The following GPR139 variants were observed in gnomAD, a reference collection of about 807,000 sequenced individuals.
GPR139 encodes probable G protein-coupled receptor 139.
A neutral mutation model predicts 25.8 loss-of-function variants in GPR139; 12 were observed. The ratio of observed to expected loss-of-function variants is 0.47; its 90% CI spans 0.30 to 0.75. GPR139 has a LOEUF of 0.75. Ranked by LOEUF, GPR139 falls within the 30% of genes least tolerant of loss-of-function variation. The probability of loss-of-function intolerance (pLI) is 0.07; values close to 1 mark genes in which losing one functional copy is unlikely to be tolerated. For missense variants in GPR139, 380 were observed against 450.2 expected, an observed-to-expected ratio of 0.84 and a Z score of 1.41; for synonymous variants, 184 against 179.9, an observed-to-expected ratio of 1.02 and a Z score of -0.18.
At position 20,073,432 on chromosome 16, in the gene GPR139, T is replaced by C; in HGVS notation, c.127+58A>G. ...ACGGGGGAGGACGGGGGATTCTGGG[T>C]AGGGTTGCCCGGCACTTGGGGTTCC... On this transcript the variant is annotated intron_variant, in intron 1 of 1. Transcript: ENST00000570682. The surrounding 1 kb of genome is among the most constrained non-coding windows in gnomAD (Gnocchi z 4.7). The C allele has an allele frequency of 6.3e-7, 1 of 1,583,856 alleles. No homozygotes were observed. The highest frequency in any genetic ancestry group is 1.7e-4 in the Middle Eastern group (1 of 5,908).
At chr16:20,056,625 T>C (rs542928697) in intron 1 of GPR139, among the ~76,000 whole-genome samples, 26 of 152,238 alleles carry the variant, frequency 1.7e-4, no homozygotes, top group Non-Finnish European at 2.9e-4. Context: ...TAATTCACTT[T>C]GCACATTGGT....
intron 1 of GPR139, among the ~76,000 whole-genome samples, chr16:20,034,634 G>A (rs1427837667): frequency 6.6e-6 from 1 of 152,060 alleles, no homozygotes; most frequent in Non-Finnish European, 1.5e-5. Flanking sequence ...TGAACTCCAG[G>A]GCTCAAGTGA....
Position 20,031,706 on chromosome 16 carries a change from CAG to C in GPR139, c.*27_*28del, listed in dbSNP as rs2057289250. ...CCTTCCCATCTGGAAATGGATTAGACAGAGGCAGTAGTTGCCACACCTATGGA... is the reference window on the plus strand; with the variant it reads ...CCTTCCCATCTGGAAATGGATTAGACAGGCAGTAGTTGCCACACCTATGGA... On this transcript the variant is annotated 3_prime_UTR_variant, in exon 2 of 2. Coordinates refer to ENST00000570682, the MANE Select transcript of GPR139 (RefSeq NM_001002911.4). 6.4e-7 allele frequency: 1 copy of C among 1,558,778 alleles called. No individual in the cohort carries two copies. The highest frequency in any genetic ancestry group is 1.1e-5 in the South Asian group (1 of 88,396).
intron 1 of GPR139, among the ~76,000 whole-genome samples, chr16:20,059,441 C>T (rs1220030256): frequency 6.6e-6 from 1 of 152,196 alleles, no homozygotes; most frequent in Non-Finnish European, 1.5e-5. Context: ...CTGGGTTACC[C>T]TGGCTGTTCC....
intron 1 of GPR139, among the ~76,000 whole-genome samples, chr16:20,048,447 C>G (rs2057361104): frequency 6.6e-6 from 1 of 152,174 alleles, no homozygotes. Flanking sequence ...TAGATCATCC[C>G]AAGGCAGCAT....
chr16:20,032,212 G>C lies in GPR139; in HGVS notation c.585C>G (p.Pro195=), dbSNP rs908804966. Residue 195 remains proline, a synonymous_variant, in exon 2 of 2, where the codon CCC becomes CCG. Coordinates refer to ENST00000570682, the MANE Select transcript of GPR139 (RefSeq NM_001002911.4). Reference sequence around the variant, plus strand: ...AGTTCAAGATGAAGAAGATGGAGCAGGGCACCAGGTAGACGGTGAAGCAGT... The same window carrying C: ...AGTTCAAGATGAAGAAGATGGAGCACGGCACCAGGTAGACGGTGAAGCAGT... ...WIHCFTVYLV[P]CSIFFILNSI... 2 of 1,614,094 alleles carry C rather than the reference G, an allele frequency of 1.2e-6. No individual in the cohort carries two copies. Among genetic ancestry groups the C allele is most frequent in the East Asian group, 2.2e-5 (1 of 44,888 alleles).
intron 1 of GPR139, among the ~76,000 whole-genome samples, chr16:20,060,613 T>C (rs1335479377): frequency 1.3e-5 from 2 of 152,214 alleles, no homozygotes; most frequent in African/African-American, 4.8e-5. Context: ...GTCAAACAAG[T>C]GGAGAAAGAA....
Position 20,030,082 on chromosome 16 carries a change from T to C in GPR139, c.*1653A>G, listed in dbSNP as rs1442653832. Among the ~76,000 whole-genome samples the C allele has an allele frequency of 1.3e-5, 2 of 152,242 alleles. No homozygotes were observed. Among genetic ancestry groups the C allele is most frequent in the African/African-American group, 4.8e-5 (2 of 41,464 alleles). ...TAAGAATTAGGATCATCAGGACTAATATGACCTAAGTTTGTATTGAGTTAG... is the reference window on the plus strand; with the variant it reads ...TAAGAATTAGGATCATCAGGACTAACATGACCTAAGTTTGTATTGAGTTAG... On this transcript the variant is annotated 3_prime_UTR_variant, in exon 2 of 2. Transcript: ENST00000570682.
chr16:20,072,869 C>G (rs1047304623), intron 1 of GPR139, among the ~76,000 whole-genome samples: 4 of 152,200 alleles, frequency 2.6e-5, no homozygotes, highest in Admixed American at 2.0e-4. Context: ...TCTCTGCACC[C>G]TTGCCCTGGC....
chr16:20,036,870 T>C (rs1044507772), intron 1 of GPR139, among the ~76,000 whole-genome samples: 2 of 152,148 alleles, frequency 1.3e-5, no homozygotes, highest in Non-Finnish European at 2.9e-5. Context: ...GTGGAATGGA[T>C]GGTAGCTATT....
At position 20,031,004 on chromosome 16, in the gene GPR139, C is replaced by G. The variant is rs556978058; in HGVS notation, c.*731G>C. Among the ~76,000 whole-genome samples, 1 of 152,058 alleles carries G rather than the reference C, an allele frequency of 6.6e-6. No homozygotes were observed. Among genetic ancestry groups the G allele is most frequent in the Non-Finnish European group, 1.5e-5 (1 of 68,018 alleles). On this transcript the variant is annotated 3_prime_UTR_variant, in exon 2 of 2. Transcript: ENST00000570682. The stretch of plus-strand genomic sequence containing the variant: ...CTCGAGAATTCCTCCTTTCCCCCTG[C>G]GCACCAGGCAGGGTCTTTGTTTTGG...
In GPR139 at chr16:20,031,173, C is replaced by G. The variant is rs764832407; in HGVS notation, c.*562G>C. On this transcript the variant is annotated 3_prime_UTR_variant, in exon 2 of 2. Coordinates refer to ENST00000570682, the MANE Select transcript of GPR139 (RefSeq NM_001002911.4). ...GATGGGATCCAATACTCTTCTATTC[C>G]CACAGTGTCATTCTGAAGCTAGGAG... Among the ~76,000 whole-genome samples the G allele has an allele frequency of 6.6e-6, 1 of 152,080 alleles. No individual in the cohort carries two copies. Among genetic ancestry groups the G allele is most frequent in the African/African-American group, 2.4e-5 (1 of 41,400 alleles).
rs2057284899 is a variant in GPR139, at chr16:20,030,720, C to T, written c.*1015G>A. Among the ~76,000 whole-genome samples, 1 of 152,216 alleles carries T rather than the reference C, an allele frequency of 6.6e-6. No individual in the cohort carries two copies. The highest frequency in any genetic ancestry group is 1.5e-5 in the Non-Finnish European group (1 of 68,042). On this transcript the variant is annotated 3_prime_UTR_variant, in exon 2 of 2. Transcript: ENST00000570682. ...TGTGAGACAGAGCTGAGAACACCTC[C>T]TCTCATACCCGCAGAGCTGCAGTTC...
chr16:20,040,903 C>G (rs1192457179), intron 1 of GPR139, among the ~76,000 whole-genome samples: 1 of 151,938 alleles, frequency 6.6e-6, no homozygotes, highest in Non-Finnish European at 1.5e-5. Context: ...TATTTGGGAT[C>G]ATTAGATTCC....
chr16:20,035,239 A>G (rs1278962294), intron 1 of GPR139, among the ~76,000 whole-genome samples: 3 of 152,110 alleles, frequency 2.0e-5, no homozygotes, highest in Non-Finnish European at 2.9e-5. Context: ...TAAGATACTG[A>G]TTATATTAAT....
chr16:20,052,204 A>G (rs2057374721), intron 1 of GPR139, among the ~76,000 whole-genome samples: 1 of 152,232 alleles, frequency 6.6e-6, no homozygotes, highest in African/African-American at 2.4e-5. Flanking sequence ...ACTCTTGTCC[A>G]TCATTTATGA....
At chr16:20,041,135 GGAGAGGAGAGGAGACGA>G (rs2057329479) in intron 1 of GPR139, among the ~76,000 whole-genome samples, 1 of 472 alleles carries the variant, frequency 2.1e-3, no homozygotes, top group Non-Finnish European at 0.012. Context: ...GGAAAGGAGA[GGAGAGGAGAGGAGACGA>G]GAGGGGAGGG....
chr16:20,034,757 C>G (rs938439153), intron 1 of GPR139, among the ~76,000 whole-genome samples: 3 of 152,140 alleles, frequency 2.0e-5, no homozygotes, highest in Non-Finnish European at 4.4e-5. Context: ...TTTTGTCATT[C>G]AACATTGTAT....
chr16:20,045,794 C>T (rs1028135206), intron 1 of GPR139, among the ~76,000 whole-genome samples: 3 of 152,172 alleles, frequency 2.0e-5, no homozygotes, highest in East Asian at 3.9e-4. Context: ...GAATGATGCT[C>T]CCCACTGGCT....
Sources: allele counts gnomAD v4.1 joint callset (sites outside exome capture counted in the v4.1 genomes callset), GRCh38; gene constraint gnomAD v4.1.1; non-coding constraint Gnocchi (gnomAD v3.1); transcripts MANE v1.5; gene names NCBI Gene and HGNC (gene_info 2026-07-23, HGNC 2026-07-21).